Variants in BBS2 observed in about 807,000 individuals in gnomAD.
The protein encoded by BBS2 is Bardet-Biedl syndrome 2.
In BBS2, 62 loss-of-function variants were observed where a neutral mutation model predicts 83.0. The ratio of observed to expected loss-of-function variants is 0.75; its 90% CI spans 0.61 to 0.92. BBS2 has a LOEUF of 0.92. Ranked by LOEUF, BBS2 falls within the 40% of genes least tolerant of loss-of-function variation. The pLI, the probability that BBS2 is intolerant of heterozygous loss-of-function variation, is 0.00. For missense variants in BBS2, 784 were observed against 901.0 expected (o/e 0.87, Z 1.66); for synonymous variants, 303 against 326.1 (o/e 0.93, Z 0.76).
At chr16:56,500,253 T>G in intron 11 of BBS2, 1 of 262,814 alleles carries the variant, frequency 3.8e-6, no homozygotes, top group South Asian at 4.4e-5. Flanking sequence ...CTCTTGTAGT[T>G]TTAGTGGCCA....
Position 56,501,431 on chromosome 16 carries a change from G to A in BBS2, c.1147C>T (p.Leu383Phe). The A allele has an allele frequency of 6.2e-7, 1 of 1,614,156 alleles. No individual in the cohort carries two copies. Among genetic ancestry groups the A allele is most frequent in the Non-Finnish European group, 8.5e-7 (1 of 1,180,014 alleles). The change falls in exon 10 of 17, where the codon CTC becomes TTC. Residue 383 changes from leucine (L) to phenylalanine (F), a missense_variant. Leu to Phe is a conservative substitution (Grantham distance 22, BLOSUM62 0). Transcript: ENST00000245157. ...AGGCTGACTGAGAGCGTGGTGTGGAGCCTGGTATTGGCTGGGATTATGCCC... is the reference window on the plus strand; with the variant it reads ...AGGCTGACTGAGAGCGTGGTGTGGAACCTGGTATTGGCTGGGATTATGCCC... The part of the protein sequence containing the change: ...HRGIIPANTR[L>F]HTTLSVSLGN...
rs1964304976 is a variant in BBS2 at position 56,502,543 on chromosome 16, TC to T, written c.941-88del. 1.9e-6 allele frequency: 3 copies of T among 1,608,470 alleles called. No homozygotes were observed. The Admixed American group carries it at 5.0e-5, about 27-fold the overall frequency. ...CTCTTAAAAACAAAAACCTAAGTTC[TC>T]CCCAACTTTGGTGAATTTATTAGAA... is the stretch of plus-strand genomic sequence containing the variant. On this transcript the variant is annotated intron_variant, in intron 8 of 16. Coordinates refer to ENST00000245157, the MANE Select transcript of BBS2 (RefSeq NM_031885.5).
Position 56,485,650 on chromosome 16 carries a change from CTGTG to C in BBS2, c.1995_1998del (p.His665GlnfsTer10). ...ACTGCTTTGAGGTTTCCCAACAGCT[CTGTG>C]TGATTGTTACAGCGAATTTTATATC... is the stretch of plus-strand genomic sequence containing the variant. On this transcript the variant is annotated frameshift_variant, in exon 16 of 17. Transcript: ENST00000245157. LOFTEE classifies it high-confidence loss of function. 1 of 1,614,126 alleles carries C rather than the reference CTGTG, an allele frequency of 6.2e-7. No homozygotes were observed. Among genetic ancestry groups the C allele is most frequent in the Non-Finnish European group, 8.5e-7 (1 of 1,180,010 alleles).
chr16:56,502,475 C>T lies in BBS2; in HGVS notation c.941-19G>A, dbSNP rs772864344. On this transcript the variant is annotated intron_variant, in intron 8 of 16. Coordinates refer to ENST00000245157, the MANE Select transcript of BBS2 (RefSeq NM_031885.5). The stretch of plus-strand genomic sequence containing the variant: ...CCCCGGACTGAACAGAAGGAAAAAA[C>T]CGCAAGTATAACCAGGTATACTTTT... The T allele has an allele frequency of 3.7e-6, 6 of 1,614,156 alleles. No homozygotes were observed. The South Asian group carries it at 6.6e-5, about 18-fold the overall frequency.
downstream of BBS2, among the ~76,000 whole-genome samples, chr16:56,479,543 A>C (rs1439106623): frequency 5.9e-5 from 9 of 152,220 alleles, no homozygotes; most frequent in African/African-American, 2.2e-4. Flanking sequence ...AGGTAATAAC[A>C]TGTAATATCT....
At chr16:56,487,120 A>G (rs1024875671) in intron 15 of BBS2, among the ~76,000 whole-genome samples, 1 of 152,196 alleles carries the variant, frequency 6.6e-6, no homozygotes, top group African/African-American at 2.4e-5. Flanking sequence ...TAAGTTTCTC[A>G]AAATTGATTA....
intron 15 of BBS2, among the ~76,000 whole-genome samples, chr16:56,488,821 G>A (rs1331024468): frequency 6.6e-6 from 1 of 151,854 alleles, no homozygotes; most frequent in African/African-American, 2.4e-5. Flanking sequence ...CCTAGGAGCT[G>A]CCAGCCATAA....
At position 56,513,587 on chromosome 16, in the gene BBS2, T is replaced by A. The variant is rs577751865; in HGVS notation, c.345+866A>T. Among the ~76,000 whole-genome samples the A allele has an allele frequency of 2.4e-4, 36 of 152,306 alleles. No homozygotes were observed. In the South Asian group the frequency reaches 4.1e-3, roughly 18 times the overall value. On this transcript the variant is annotated intron_variant, in intron 2 of 16. Coordinates refer to ENST00000245157, the MANE Select transcript of BBS2 (RefSeq NM_031885.5). ...TATCATGCTAAGAAAAAGAAGGCAGTCACAAATGATTACATATTATATAAT... is the reference window on the plus strand; with the variant it reads ...TATCATGCTAAGAAAAAGAAGGCAGACACAAATGATTACATATTATATAAT...
chr16:56,489,498 T>C (rs1322094085), intron 15 of BBS2, among the ~76,000 whole-genome samples: 1 of 152,006 alleles, frequency 6.6e-6, no homozygotes, highest in Non-Finnish European at 1.5e-5. Context: ...TGATGAACTT[T>C]AAAAGAAGTA....
rs1964135246 is a variant in BBS2, at chr16:56,497,083, G to A, written c.1798-4C>T. 1 of 1,590,036 alleles carries A rather than the reference G, an allele frequency of 6.3e-7. No individual in the cohort carries two copies. Among genetic ancestry groups the A allele is most frequent in the South Asian group, 1.1e-5 (1 of 90,642 alleles). ...GCACTGAATGATATTCATCCACCTG[G>A]AGACCATGAACACTCAGGAATGAAA... On this transcript the variant is annotated splice_region_variant and splice_polypyrimidine_tract_variant and intron_variant, in intron 14 of 16. Transcript: ENST00000245157.
Position 56,518,184 on chromosome 16 carries a change from ACT to A in BBS2, c.117+1560_117+1561del, listed in dbSNP as rs1245293022. ...TGCCAGACCCCGTATTAATAGCTTA[ACT>A]CTGTTATACTACTTAATGAAAATGA... On this transcript the variant is annotated intron_variant, in intron 1 of 16. Coordinates refer to ENST00000245157, the MANE Select transcript of BBS2 (RefSeq NM_031885.5). Among the ~76,000 whole-genome samples, 7 of 152,180 alleles carry A rather than the reference ACT, an allele frequency of 4.6e-5. No individual in the cohort carries two copies. The East Asian group carries it at 1.4e-3, about 29-fold the overall frequency.
intron 14 of BBS2, chr16:56,497,524 C>A: frequency 1.6e-6 from 1 of 610,274 alleles, no homozygotes; most frequent in Non-Finnish European, 2.8e-6. Flanking sequence ...CACTTTAAAC[C>A]AAACAAAGCA....
At chr16:56,478,764 A>ACAT (rs149790825) in intron 17 of BBS2, 2 of 152,326 alleles carry the variant, frequency 1.3e-5, no homozygotes, top group African/African-American at 4.8e-5. Context: ...ATCTGTCAAC[A>ACAT]CATAATCATC....
chr16:56,510,868 T>C lies in BBS2; in HGVS notation c.525A>G (p.Gly175=), dbSNP rs34191306. ...SLALCDFDGD[G]KKELLVGSED... ...CTCCTCCCCCACATACCTCTTTCTT[T>C]CCATCACCATCAAAGTCACACAAGG... is the stretch of plus-strand genomic sequence containing the variant. Residue 175 remains glycine, a synonymous_variant, in exon 4 of 17, where the codon GGA becomes GGG. Coordinates refer to ENST00000245157, the MANE Select transcript of BBS2 (RefSeq NM_031885.5). 101 of 1,614,106 alleles carry C rather than the reference T, an allele frequency of 6.3e-5. No individual in the cohort carries two copies. The African/African-American group carries it at 1.1e-3, about 18-fold the overall frequency.
chr16:56,477,814 A>G (rs1177670320), intron 17 of BBS2: 1 of 152,086 alleles, frequency 6.6e-6, no homozygotes, highest in East Asian at 1.9e-4. Context: ...GGGCCTTTAA[A>G]CTTCTTAACT....
At chr16:56,510,385 A>G (rs1261212485) in intron 4 of BBS2, among the ~76,000 whole-genome samples, 1 of 152,198 alleles carries the variant, frequency 6.6e-6, no homozygotes, top group Admixed American at 6.5e-5. Flanking sequence ...TGGACAAGAG[A>G]GGGGCAAGTC....
At chr16:56,472,478 C>CTATAA (rs1391765112) in intron 17 of BBS2, among the ~76,000 whole-genome samples, 1 of 152,104 alleles carries the variant, frequency 6.6e-6, no homozygotes, top group Non-Finnish European at 1.5e-5. Context: ...TGAAGAAAAG[C>CTATAA]TATAAAGCTT....
chr16:56,476,217 A>G, intron 17 of BBS2: 1 of 1,602,416 alleles, frequency 6.2e-7, no homozygotes, highest in Non-Finnish European at 8.5e-7. Context: ...AGCACTGGGC[A>G]AAGCTGAACA....
chr16:56,519,378 A>G, intron 1 of BBS2: 1 of 193,978 alleles, frequency 5.2e-6, no homozygotes, highest in Non-Finnish European at 1.1e-5. Context: ...AGAGAGTCAG[A>G]GGAATTCCGA....
Sources: allele counts gnomAD v4.1 joint callset (sites outside exome capture counted in the v4.1 genomes callset), GRCh38; gene constraint gnomAD v4.1.1; transcripts MANE v1.5; gene names NCBI Gene and HGNC (gene_info 2026-07-23, HGNC 2026-07-21).